The following TBC1D5 variants were observed in gnomAD, a reference collection of about 807,000 sequenced individuals.
TBC1D5 encodes TBC1 domain family member 5.
TBC1D5 carries 75 observed loss-of-function variants against 100.3 expected under a neutral mutation model. The ratio of observed to expected loss-of-function variants is 0.75; its 90% confidence interval spans 0.62 to 0.91. The LOEUF (loss-of-function observed/expected upper bound fraction) is 0.91, where lower values mean the gene tolerates loss of function less well. Ranked by LOEUF, TBC1D5 falls within the 40% of genes least tolerant of loss-of-function variation. The probability of loss-of-function intolerance (pLI) is 0.00; values close to 1 mark genes in which losing one functional copy is unlikely to be tolerated. For synonymous variants in TBC1D5, 323 were observed against 325.6 expected (o/e 0.99, Z 0.09); for missense variants, 910 against 942.4 (o/e 0.97, Z 0.45).
At chr3:17,490,888 A>G (rs560916508) in intron 3 of TBC1D5, among the ~76,000 whole-genome samples, 1 of 152,314 alleles carries the variant, frequency 6.6e-6, no homozygotes, top group South Asian at 2.1e-4. Context: ...AGATCTATAA[A>G]TTACTTTCAG....
intron 1 of TBC1D5, among the ~76,000 whole-genome samples, chr3:17,645,457 C>T (rs2153704793): frequency 6.6e-6 from 1 of 152,258 alleles, no homozygotes; most frequent in Non-Finnish European, 1.5e-5. Context: ...AACTCTACTT[C>T]TGTTCATGCA....
chr3:17,598,060 T>C (rs1576931337), intron 2 of TBC1D5, among the ~76,000 whole-genome samples: 1 of 131,808 alleles, frequency 7.6e-6, no homozygotes, highest in South Asian at 2.6e-4. Flanking sequence ...AGAGGCTGGG[T>C]CAATTCTTAG....
intron 2 of TBC1D5, among the ~76,000 whole-genome samples, chr3:17,618,971 C>T (rs1350402550): frequency 5.3e-5 from 8 of 152,184 alleles, no homozygotes; most frequent in Middle Eastern, 3.2e-3. Flanking sequence ...AGATATCACC[C>T]GTCTTCTGCA....
chr3:17,267,450 C>T lies in TBC1D5; in HGVS notation c.1246-8859G>A, dbSNP rs146610016. On this transcript the variant is annotated intron_variant, in intron 15 of 21. Coordinates refer to ENST00000253692, the Ensembl canonical transcript of TBC1D5. ...AAATATGGAAATCCATTTGTCTGTTCCTAAGAGCGGTTCCCAATCTTTGTT... is the reference window on the plus strand; with the variant it reads ...AAATATGGAAATCCATTTGTCTGTTTCTAAGAGCGGTTCCCAATCTTTGTT... Among the ~76,000 whole-genome samples the T allele has an allele frequency of 3.3e-3, 496 of 151,964 alleles. 4 individuals carry two copies. Among genetic ancestry groups the T allele is most frequent in the African/African-American group, 0.011 (470 of 41,462 alleles).
intron 8 of TBC1D5, among the ~76,000 whole-genome samples, chr3:17,394,242 T>C (rs1006005121): frequency 1.3e-5 from 2 of 152,180 alleles, no homozygotes; most frequent in Non-Finnish European, 2.9e-5. Flanking sequence ...AGATACTGAT[T>C]CATTTATGTT....
exon 13 of TBC1D5, chr3:17,372,169 C>T: frequency 6.2e-7 from 1 of 1,613,800 alleles, no homozygotes; most frequent in South Asian, 1.1e-5. Context: ...ATCTGGTTGA[C>T]TTTAGTAACA....
At chr3:17,275,459 G>C (rs1174883647) in intron 15 of TBC1D5, among the ~76,000 whole-genome samples, 6 of 152,082 alleles carry the variant, frequency 3.9e-5, no homozygotes, top group Admixed American at 2.6e-4. Context: ...AGGACCACTT[G>C]AGCCCAGGAA....
chr3:17,283,306 C>T (rs1467457081), intron 15 of TBC1D5, among the ~76,000 whole-genome samples: 1 of 152,162 alleles, frequency 6.6e-6, no homozygotes, highest in Non-Finnish European at 1.5e-5. Context: ...GGGTGAACTT[C>T]TCTCATAGAG....
At chr3:17,705,087 G>T (rs1237548138) in intron 1 of TBC1D5, among the ~76,000 whole-genome samples, 2 of 128,778 alleles carry the variant, frequency 1.6e-5, no homozygotes, top group African/African-American at 2.9e-5. Flanking sequence ...GGCACGGCTG[G>T]CCAGGCGGGG....
intron 1 of TBC1D5, among the ~76,000 whole-genome samples, chr3:17,697,805 C>G (rs1308031016): frequency 6.6e-6 from 1 of 151,864 alleles, no homozygotes. Context: ...CAAGACAATC[C>G]TAAGCAAAAA....
rs374444850 is a variant in TBC1D5 at position 17,526,862 on chromosome 3, C to T, written c.-35-18257G>A. Among the ~76,000 whole-genome samples the T allele has an allele frequency of 2.0e-4, 31 of 152,280 alleles. No homozygotes were observed. In the East Asian group the frequency reaches 5.0e-3, roughly 25 times the overall value. Reference sequence around the variant, plus strand: ...TTGAGTGATCTATAATATTTGTTCACAACCTTATACATTATAATTAGATAT... The same window carrying T: ...TTGAGTGATCTATAATATTTGTTCATAACCTTATACATTATAATTAGATAT... On this transcript the variant is annotated intron_variant, in intron 2 of 21. Coordinates refer to ENST00000253692, the Ensembl canonical transcript of TBC1D5.
rs529450966 is a variant in TBC1D5 at position 17,511,031 on chromosome 3, TA to T, written c.-35-2427del. Among the ~76,000 whole-genome samples the T allele has an allele frequency of 1.1e-3, 169 of 151,776 alleles. 2 individuals carry two copies. The highest frequency in any genetic ancestry group is 4.0e-3 in the African/African-American group (164 of 41,466). ...GTCAGTGCGACAAAAAGACCAGGTATAAAAAAAGGGGGTATAAAAAGATGCA... is the reference window on the plus strand; with the variant it reads ...GTCAGTGCGACAAAAAGACCAGGTATAAAAAAGGGGGTATAAAAAGATGCA... On this transcript the variant is annotated intron_variant, in intron 2 of 21. Coordinates refer to ENST00000253692, the Ensembl canonical transcript of TBC1D5.
chr3:17,234,957 C>A (rs2075741967), intron 17 of TBC1D5, among the ~76,000 whole-genome samples: 1 of 152,058 alleles, frequency 6.6e-6, no homozygotes, highest in African/African-American at 2.4e-5. Context: ...AAGTGATAAA[C>A]AGCTTTTAGT....
chr3:17,543,993 G>A (rs998159583), intron 2 of TBC1D5, among the ~76,000 whole-genome samples: 6 of 151,590 alleles, frequency 4.0e-5, no homozygotes, highest in Admixed American at 2.6e-4. Context: ...TCAGCCTCCC[G>A]AGTAGCTAAG....
chr3:17,727,274 G>A (rs766885895), intron 1 of TBC1D5, among the ~76,000 whole-genome samples: 4 of 152,156 alleles, frequency 2.6e-5, no homozygotes, highest in Non-Finnish European at 2.9e-5. Flanking sequence ...CCAGCTACTC[G>A]AGAGGCTGAG....
intron 17 of TBC1D5, among the ~76,000 whole-genome samples, chr3:17,233,092 T>C (rs1576161617): frequency 6.6e-6 from 1 of 152,312 alleles, no homozygotes; most frequent in Middle Eastern, 3.4e-3. Context: ...ATTTAAAAAC[T>C]ATATTTTCTA....
intron 1 of TBC1D5, among the ~76,000 whole-genome samples, chr3:17,625,315 T>C (rs949049454): frequency 4.6e-5 from 7 of 152,088 alleles, no homozygotes; most frequent in South Asian, 4.1e-4. Context: ...TGTAAGTATG[T>C]AGGAGGCAAG....
intron 1 of TBC1D5, among the ~76,000 whole-genome samples, chr3:17,652,242 T>C (rs1366335677): frequency 6.6e-6 from 1 of 152,162 alleles, no homozygotes; most frequent in Non-Finnish European, 1.5e-5. Flanking sequence ...CATAAGTTTC[T>C]AGTAGAATAA....
chr3:17,218,536 A>G (rs2073911164), intron 17 of TBC1D5, among the ~76,000 whole-genome samples: 1 of 151,996 alleles, frequency 6.6e-6, no homozygotes, highest in African/African-American at 2.4e-5. Flanking sequence ...ACTGATGTCT[A>G]GTGTCCTTTC....
Sources: gnomAD v4.1 joint callset for allele counts (sites outside exome capture counted in the v4.1 genomes callset) on GRCh38, gnomAD v4.1.1 for gene constraint, MANE v1.5 for transcripts, NCBI Gene and HGNC (gene_info 2026-07-23, HGNC 2026-07-21) for gene names.